AFG3L2: variants seen among roughly 807,000 people sequenced by gnomAD.
The protein encoded by AFG3L2 is AFG3 like matrix AAA peptidase subunit 2.
AFG3L2 carries 54 observed loss-of-function variants against 94.5 expected under a neutral mutation model. The ratio of observed to expected loss-of-function variants is 0.57; its 90% CI spans 0.46 to 0.72. The LOEUF (loss-of-function observed/expected upper bound fraction) is 0.72. Among genes scored for constraint, AFG3L2 ranks in the 30% least tolerant of loss-of-function variants. The pLI is 0.00. For missense variants in AFG3L2, 754 were observed against 994.9 expected (o/e 0.76, Z 3.26); for synonymous variants, 377 against 365.5 (o/e 1.03, Z -0.36).
intron 15 of AFG3L2, among the ~76,000 whole-genome samples, chr18:12,339,029 C>G (rs1407348382): frequency 1.3e-5 from 2 of 151,738 alleles, no homozygotes; most frequent in African/African-American, 4.8e-5. Flanking sequence ...CCAAGGCGGG[C>G]GGATCACCAG....
Position 12,329,287 on chromosome 18 carries a change from A to T in AFG3L2, c.*278T>A. 1.4e-6 allele frequency: 1 copy of T among 696,114 alleles called. No individual in the cohort carries two copies. Among genetic ancestry groups the T allele is most frequent in the South Asian group, 1.5e-5 (1 of 66,816 alleles). The allele number at this position is 696,114 out of a possible 1,614,324, so 43.1% of individuals were successfully genotyped here. On this transcript the variant is annotated 3_prime_UTR_variant, in exon 17 of 17. Coordinates refer to ENST00000269143, the MANE Select transcript of AFG3L2 (RefSeq NM_006796.3). ...GACCCCACTTGGTGCCACAGGGTCC[A>T]GCCTCGGCCACTCTGGGCTCAACCT...
At chr18:12,364,384 C>A (rs1185243110) in intron 5 of AFG3L2, among the ~76,000 whole-genome samples, 1 of 152,164 alleles carries the variant, frequency 6.6e-6, no homozygotes, top group African/African-American at 2.4e-5. Context: ...TTTGTGGGCA[C>A]ATCTTAAAAA....
At position 12,329,391 on chromosome 18, in the gene AFG3L2, C is replaced by T; in HGVS notation, c.*174G>A. 2 of 726,718 alleles carry T rather than the reference C, an allele frequency of 2.8e-6. No individual in the cohort carries two copies. Among genetic ancestry groups the T allele is most frequent in the Non-Finnish European group, 4.8e-6 (2 of 413,622 alleles). 45.0% of individuals were successfully genotyped at this position (726,718 alleles called of 1,614,324 possible). On this transcript the variant is annotated 3_prime_UTR_variant, in exon 17 of 17. Coordinates refer to ENST00000269143, the MANE Select transcript of AFG3L2 (RefSeq NM_006796.3). ...AAGGCCTCCGGAAAGTCACCTGCCACCCACTGTGACCTCTGAGGCTGAAAG... is the reference window on the plus strand; with the variant it reads ...AAGGCCTCCGGAAAGTCACCTGCCATCCACTGTGACCTCTGAGGCTGAAAG...
chr18:12,371,268 C>T (rs1030147954), intron 2 of AFG3L2, among the ~76,000 whole-genome samples: 56 of 150,522 alleles, frequency 3.7e-4, no homozygotes, highest in African/African-American at 1.2e-3. Flanking sequence ...ACGCCAAGAT[C>T]GCACTAGTGC....
chr18:12,362,268 A>G (rs775779084), intron 6 of AFG3L2, among the ~76,000 whole-genome samples: 2 of 152,228 alleles, frequency 1.3e-5, no homozygotes, highest in Non-Finnish European at 2.9e-5. Flanking sequence ...ACAGTGATTA[A>G]TACTGCTGCT....
rs1908312040 is a variant in AFG3L2, at chr18:12,351,405, T to C, written c.1327A>G (p.Thr443Ala). The C allele has an allele frequency of 2.5e-6, 4 of 1,614,148 alleles. No homozygotes were observed. Among genetic ancestry groups the C allele is most frequent in the Non-Finnish European group, 3.4e-6 (4 of 1,180,018 alleles). ...QLLVEMDGFN[T>A]TTNVVILAGT... ...GCCAAAATGACGACATTTGTTGTTG[T>C]ATTAAAACCTGAAAGATAACAAAAA... is the stretch of plus-strand genomic sequence containing the variant. Residue 443 changes from threonine (T) to alanine (A), a missense_variant, in exon 11 of 17, where the codon ACA becomes GCA. Around this residue, in one of 4 missense-constraint regions of AFG3L2, gnomAD observed 109 missense variants for 227.1 expected, o/e 0.48. Coordinates refer to ENST00000269143, the MANE Select transcript of AFG3L2 (RefSeq NM_006796.3).
intron 12 of AFG3L2, among the ~76,000 whole-genome samples, chr18:12,349,985 G>A (rs1360678416): frequency 6.7e-6 from 1 of 148,716 alleles, no homozygotes; most frequent in Non-Finnish European, 1.5e-5. Flanking sequence ...TATATAATAT[G>A]TACAGAATAA....
At chr18:12,353,775 A>G (rs958821910) in intron 9 of AFG3L2, among the ~76,000 whole-genome samples, 5 of 152,210 alleles carry the variant, frequency 3.3e-5, no homozygotes, top group Admixed American at 6.5e-5. Context: ...TTACATATAT[A>G]CCTAAACAAA....
chr18:12,364,284 A>C (rs1355584244), intron 5 of AFG3L2, among the ~76,000 whole-genome samples: 1 of 152,230 alleles, frequency 6.6e-6, no homozygotes, highest in African/African-American at 2.4e-5. Flanking sequence ...GACCACACCC[A>C]AGGTACTGAT....
Position 12,370,834 on chromosome 18 carries a change from A to G in AFG3L2, c.292+15T>C. 3.3e-6 allele frequency: 5 copies of G among 1,523,522 alleles called. No homozygotes were observed. Among genetic ancestry groups the G allele is most frequent in the East Asian group, 2.3e-5 (1 of 44,312 alleles). 94.4% of individuals were successfully genotyped at this position (1,523,522 alleles called of 1,614,324 possible). ...GGAAAACACAAAATTCAAATATAAT[A>G]TTGTCAAAAGGTACCTTTTTTCTCT... is the stretch of plus-strand genomic sequence containing the variant. On this transcript the variant is annotated intron_variant, in intron 3 of 16. Coordinates refer to ENST00000269143, the MANE Select transcript of AFG3L2 (RefSeq NM_006796.3).
At position 12,377,044 on chromosome 18, in the gene AFG3L2, G is replaced by A; in HGVS notation, c.39C>T (p.Gly13=). ...GCTGCTGTAGGCCGCGGGGCCAGCA[G>A]CCGCCCCGGCCCCACAGCCGCAAAC... ...HRCLRLWGRG[G]CWPRGLQQLL... is the part of the protein sequence containing the mutation. Residue 13 remains glycine, a synonymous_variant, in exon 1 of 17, where the codon GGC becomes GGT. Coordinates refer to ENST00000269143, the MANE Select transcript of AFG3L2 (RefSeq NM_006796.3). 1 of 1,436,780 alleles carries A rather than the reference G, an allele frequency of 7.0e-7. No individual in the cohort carries two copies. Among genetic ancestry groups the A allele is most frequent in the Non-Finnish European group, 9.1e-7 (1 of 1,096,744 alleles). The allele number at this position is 1,436,780 out of a possible 1,614,324, so 89.0% of individuals were successfully genotyped here. A position where few individuals can be genotyped will look rare whatever the true frequency, so the allele number is the denominator to read the frequency against.
chr18:12,330,347 A>AG (rs1907482325), intron 16 of AFG3L2, among the ~76,000 whole-genome samples: 1 of 150,926 alleles, frequency 6.6e-6, no homozygotes, highest in South Asian at 2.1e-4. Context: ...ACAAAAAAAA[A>AG]TAGGAGGAGG....
In AFG3L2 at chr18:12,344,174, C is replaced by T. The variant is rs765992493; in HGVS notation, c.1737G>A (p.Ala579=). Residue 579 remains alanine, a synonymous_variant, in exon 14 of 17, where the codon GCG becomes GCA. Transcript: ENST00000269143. ...CGTGCTCCAGATACCAGCCGGCAAC[C>T]GCATGGCCTGCTTCGTGGTATGCCA... is the stretch of plus-strand genomic sequence containing the variant. ...KTVAYHEAGH[A]VAGWYLEHAD... is the part of the protein sequence containing the mutation. The T allele has an allele frequency of 1.3e-5, 21 of 1,613,912 alleles. No individual in the cohort carries two copies. The highest frequency in any genetic ancestry group is 6.7e-5 in the African/African-American group (5 of 74,928).
At chr18:12,367,639 AC>A (rs934509062) in intron 3 of AFG3L2, among the ~76,000 whole-genome samples, 1 of 152,246 alleles carries the variant, frequency 6.6e-6, no homozygotes, top group Non-Finnish European at 1.5e-5. Flanking sequence ...GGACTGTTAT[AC>A]CCTTCACAGA....
chr18:12,333,841 C>G (rs1437404720), intron 16 of AFG3L2, among the ~76,000 whole-genome samples: 1 of 152,188 alleles, frequency 6.6e-6, no homozygotes, highest in Admixed American at 6.5e-5. Flanking sequence ...CACACAGGCT[C>G]AGGGAGAGGG....
At chr18:12,369,974 G>A (rs551508985) in intron 3 of AFG3L2, among the ~76,000 whole-genome samples, 110 of 140,572 alleles carry the variant, frequency 7.8e-4, no homozygotes, top group African/African-American at 2.9e-3. Context: ...AGAATGGTGC[G>A]AACCCAAGAG....
chr18:12,337,997 T>C (rs1907809329), intron 15 of AFG3L2, among the ~76,000 whole-genome samples: 1 of 152,194 alleles, frequency 6.6e-6, no homozygotes, highest in Non-Finnish European at 1.5e-5. Context: ...CTTGAACTCC[T>C]GACCTCAGGT....
intron 6 of AFG3L2, 109 bp from the exon 7 acceptor site, chr18:12,360,160 A>G (rs1367945027): frequency 2.9e-6 from 3 of 1,023,316 alleles, no homozygotes; most frequent in Non-Finnish European, 4.3e-6. Context: ...GAAAATTTAT[A>G]AATTAAAGAA....
At chr18:12,359,002 G>C in intron 7 of AFG3L2, 59 bp from the exon 8 acceptor site, 1 of 1,561,178 alleles carries the variant, frequency 6.4e-7, no homozygotes, top group Non-Finnish European at 8.7e-7. Context: ...GCTTTCACAT[G>C]TGGTGCAAGA....
Sources: allele counts gnomAD v4.1 joint callset (sites outside exome capture counted in the v4.1 genomes callset), GRCh38; gene constraint gnomAD v4.1.1; regional missense constraint gnomAD v4.1.1; transcripts MANE v1.5; gene names NCBI Gene and HGNC (gene_info 2026-07-23, HGNC 2026-07-21).